Variants in ANKRD52 observed in about 807,000 individuals in gnomAD.
ANKRD52 encodes the protein serine/threonine-protein phosphatase 6 regulatory ankyrin repeat subunit C.
In ANKRD52, 7 loss-of-function variants were observed where a neutral mutation model predicts 116.0. The observed-to-expected ratio is 0.06, with a 90% CI of 0.03 to 0.11. ANKRD52 has a LOEUF of 0.11. ANKRD52 is among the 10% of genes least tolerant of loss of function. The pLI, the probability that ANKRD52 is intolerant of heterozygous loss-of-function variation, is 1.00. For missense variants in ANKRD52, 839 were observed against 1,408.6 expected (o/e 0.60, Z 6.47); for synonymous variants, 528 against 578.1 (o/e 0.91, Z 1.24).
In ANKRD52 at chr12:56,243,218, A is replaced by G. The variant is rs756847654; in HGVS notation, c.3155T>C (p.Leu1052Pro). The change falls in exon 28 of 28, where the codon CTG becomes CCG. Residue 1052 changes from leucine (L) to proline (P), a missense_variant. Physicochemically the swap from Leu to Pro is moderately conservative, Grantham distance 98. This residue lies in a region of ANKRD52 where 552 missense variants were observed against 810.6 expected (regional missense o/e 0.68). Coordinates refer to ENST00000267116, the MANE Select transcript of ANKRD52 (RefSeq NM_173595.4). This position sits in a 1 kb window ranked among gnomAD's most constrained non-coding sequence, Gnocchi z 4.6. ...GTAGGGGCAGGAGGCCCCATGGGGC[A>G]GGGCGCCGCAGCCACCCACCGTCTT... is the stretch of plus-strand genomic sequence containing the variant. ...AAKTVGGCGA[L>P]PHGASCPYSQ... The G allele has an allele frequency of 8.7e-6, 14 of 1,613,350 alleles. No homozygotes were observed. Among genetic ancestry groups the G allele is most frequent in the Non-Finnish European group, 1.2e-5 (14 of 1,179,730 alleles).
chr12:56,252,511 T>C lies in ANKRD52; in HGVS notation c.1361A>G (p.Lys454Arg), dbSNP rs1303250175. 8.1e-6 allele frequency: 13 copies of C among 1,613,834 alleles called. No individual in the cohort carries two copies. The highest frequency in any genetic ancestry group is 3.3e-5 in the Admixed American group (2 of 60,018). Residue 454 changes from lysine (K) to arginine (R), a missense_variant, in exon 13 of 28, where the codon AAA becomes AGA. Transcript: ENST00000267116. This position sits in a 1 kb window ranked among gnomAD's most constrained non-coding sequence, Gnocchi z 4.7. ...SSGADLRRRD[K>R]FGRTPLHYAA... Reference sequence around the variant, plus strand: ...CTGCATATTAGCATACCTGCCAAATTTGTCCCTCCTCCTCAAGTCAGCTCC... The same window carrying C: ...CTGCATATTAGCATACCTGCCAAATCTGTCCCTCCTCCTCAAGTCAGCTCC...
chr12:56,245,447 A>G lies in ANKRD52; in HGVS notation c.2334T>C (p.Leu778=). 6.2e-7 allele frequency: 1 copy of G among 1,612,918 alleles called. No homozygotes were observed. The highest frequency in any genetic ancestry group is 8.5e-7 in the Non-Finnish European group (1 of 1,179,526). Residue 778 remains leucine, a synonymous_variant, in exon 21 of 28, where the codon CTT becomes CTC. Transcript: ENST00000267116. ...AVLRTLLQAA[L]STDPLDAGVD... is the part of the protein sequence containing the mutation. ...CCCCGGCATCCAGGGGATCTGTGGA[A>G]AGGGCAGCCTGCAGCAGGGTCCGCA...
At chr12:56,245,329 C>T in intron 21 of ANKRD52, 48 bp downstream of exon 21, 1 of 1,602,280 alleles carries the variant, frequency 6.2e-7, no homozygotes, top group South Asian at 1.1e-5. Context: ...CCCCTCTACA[C>T]ACACTCCAAC....
rs965801543 is a variant in ANKRD52 at position 56,243,938 on chromosome 12, T to C, written c.2889-62A>G. On this transcript the variant is annotated intron_variant, in intron 26 of 27. Coordinates refer to ENST00000267116, the MANE Select transcript of ANKRD52 (RefSeq NM_173595.4). The surrounding 1 kb of genome is among the most constrained non-coding windows in gnomAD (Gnocchi z 4.6). The stretch of plus-strand genomic sequence containing the variant: ...GCTGCCCTTCCACCTCCAGACAGGG[T>C]GGCAAGGGTGCTGAACAAATACAAT... The C allele has an allele frequency of 3.1e-6, 5 of 1,597,848 alleles. No homozygotes were observed. The highest frequency in any genetic ancestry group is 2.6e-6 in the Non-Finnish European group (3 of 1,170,656).
In ANKRD52 at chr12:56,243,974, G is replaced by A; in HGVS notation, c.2888+77C>T. 2 of 1,604,174 alleles carry A rather than the reference G, an allele frequency of 1.2e-6. No individual in the cohort carries two copies. The highest frequency in any genetic ancestry group is 1.7e-6 in the Non-Finnish European group (2 of 1,173,202). On this transcript the variant is annotated intron_variant, in intron 26 of 27. Coordinates refer to ENST00000267116, the MANE Select transcript of ANKRD52 (RefSeq NM_173595.4). The surrounding 1 kb of genome is among the most constrained non-coding windows in gnomAD (Gnocchi z 4.6). ...CTGAACAAATACAATGGGCTCCAGAGAGCCTCTGAACAGCGGCCACTCTTT... is the reference window on the plus strand; with the variant it reads ...CTGAACAAATACAATGGGCTCCAGAAAGCCTCTGAACAGCGGCCACTCTTT...
chr12:56,239,076 C>A lies in ANKRD52; in HGVS notation c.*4066G>T. ...CCCTCTGCCCTCCCAAATGCAGTGA[C>A]AGTGTCCCCCTCACACCTAAGTGGG... On this transcript the variant is annotated 3_prime_UTR_variant, in exon 28 of 28. Transcript: ENST00000267116. The A allele has an allele frequency of 6.6e-6, 1 of 152,540 alleles. No homozygotes were observed. The allele number at this position is 152,540 out of a possible 1,614,324, so 9.4% of individuals were successfully genotyped here.
At chr12:56,250,359 T>A (rs1044352512) in intron 15 of ANKRD52, among the ~76,000 whole-genome samples, 1 of 150,364 alleles carries the variant, frequency 6.7e-6, no homozygotes, top group Admixed American at 6.6e-5. Flanking sequence ...GCCTACCTGA[T>A]TTTTGTGGGT....
At chr12:56,245,706 GTC>G in intron 20 of ANKRD52, 110 bp from the exon 21 acceptor site, 48 of 532,364 alleles carry the variant, frequency 9.0e-5, no homozygotes, top group South Asian at 2.7e-4. Flanking sequence ...TCCAATCCTT[GTC>G]TTTTTTTTTT....
At position 56,248,553 on chromosome 12, in the gene ANKRD52, G is replaced by T; in HGVS notation, c.1718C>A (p.Ser573Tyr). 1 of 1,593,210 alleles carries T rather than the reference G, an allele frequency of 6.3e-7. No individual in the cohort carries two copies. Among genetic ancestry groups the T allele is most frequent in the Non-Finnish European group, 8.5e-7 (1 of 1,169,940 alleles). ...CTCCACATCCTCCAGGCAGTTAAAG[G>T]ACATTTCTAAGAGCTGCAAAGGACA... is the stretch of plus-strand genomic sequence containing the variant. ...RQNLELLLEMSFNCLEDVEST... is the reference protein window; with the variant it reads ...RQNLELLLEMYFNCLEDVEST... Residue 573 changes from serine (S) to tyrosine (Y), a missense_variant, in exon 17 of 28, where the codon TCC becomes TAC. Ser to Tyr is a moderately radical substitution (Grantham distance 144, BLOSUM62 -2). This residue lies in a region of ANKRD52 where 552 missense variants were observed against 810.6 expected (regional missense o/e 0.68). Transcript: ENST00000267116. The surrounding 1 kb of genome is among the most constrained non-coding windows in gnomAD (Gnocchi z 5.1).
chr12:56,245,918 C>T (rs1360816216), intron 20 of ANKRD52, among the ~76,000 whole-genome samples: 3 of 150,440 alleles, frequency 2.0e-5, no homozygotes, highest in East Asian at 2.0e-4. Context: ...GGTTTCACCA[C>T]GTTAGCCAGG....
In ANKRD52 at chr12:56,243,161, T is replaced by C; in HGVS notation, c.3212A>G (p.Asp1071Gly). ...AGGGGGCTACTCAGAGTAGCAGCCA[T>C]CTAACCCAATGGCGCCGGGCCGCTC... is the stretch of plus-strand genomic sequence containing the variant. Reference protein sequence around the residue: ...SQERPGAIGLDGCYSE With the variant: ...SQERPGAIGLGGCYSE The change falls in exon 28 of 28, where the codon GAT (aspartate) becomes GGT (glycine). Residue 1071 changes from aspartate to glycine, a missense_variant. Coordinates refer to ENST00000267116, the MANE Select transcript of ANKRD52 (RefSeq NM_173595.4). This position sits in a 1 kb window ranked among gnomAD's most constrained non-coding sequence, Gnocchi z 4.6. 2.5e-6 allele frequency: 4 copies of C among 1,603,772 alleles called. No homozygotes were observed. Among genetic ancestry groups the C allele is most frequent in the Non-Finnish European group, 3.4e-6 (4 of 1,174,992 alleles).
At chr12:56,256,541 TGAG>T (rs1871963008) in intron 4 of ANKRD52, among the ~76,000 whole-genome samples, 1 of 152,202 alleles carries the variant, frequency 6.6e-6, no homozygotes, top group Non-Finnish European at 1.5e-5. Context: ...AGTGATGAAC[TGAG>T]GAGGAGGTCC....
At position 56,248,228 on chromosome 12, in the gene ANKRD52, G is replaced by A; in HGVS notation, c.1777-4C>T. The A allele has an allele frequency of 6.2e-7, 1 of 1,613,442 alleles. No homozygotes were observed. Among genetic ancestry groups the A allele is most frequent in the Non-Finnish European group, 8.5e-7 (1 of 1,179,886 alleles). On this transcript the variant is annotated splice_region_variant and splice_polypyrimidine_tract_variant and intron_variant, in intron 17 of 27. Coordinates refer to ENST00000267116, the MANE Select transcript of ANKRD52 (RefSeq NM_173595.4). This position sits in a 1 kb window ranked among gnomAD's most constrained non-coding sequence, Gnocchi z 5.1. The stretch of plus-strand genomic sequence containing the variant: ...CTTCACAGTGACCGTTGTAGGCCTG[G>A]CAAGGTGCAGGCAACCAGTGCACAC...
rs768397824 is a variant in ANKRD52 at position 56,245,548 on chromosome 12, C to G, written c.2233G>C (p.Ala745Pro). ...DCLAALLDHD[A>P]FVLCRDFKGR... ...TTAAAGTCTCGGCACAGCACAAATGCGTCGTGGTCCAGCAGGGCAGCCAGG... is the reference window on the plus strand; with the variant it reads ...TTAAAGTCTCGGCACAGCACAAATGGGTCGTGGTCCAGCAGGGCAGCCAGG... Residue 745 changes from alanine (A) to proline (P), a missense_variant, in exon 21 of 28, where the codon GCA becomes CCA. Physicochemically the swap from Ala to Pro is conservative, Grantham distance 27 (BLOSUM62 -1). Coordinates refer to ENST00000267116, the MANE Select transcript of ANKRD52 (RefSeq NM_173595.4). 6.2e-7 allele frequency: 1 copy of G among 1,609,678 alleles called. No individual in the cohort carries two copies.
At chr12:56,257,114 G>A in intron 3 of ANKRD52, 29 bp from the exon 4 acceptor site, 1 of 1,604,750 alleles carries the variant, frequency 6.2e-7, no homozygotes, top group Non-Finnish European at 8.5e-7. Flanking sequence ...CTATTTTGAT[G>A]GAAGGTGGGG....
At chr12:56,246,507 C>G (rs1871405691) in intron 20 of ANKRD52, among the ~76,000 whole-genome samples, 1 of 152,022 alleles carries the variant, frequency 6.6e-6, no homozygotes. Flanking sequence ...GAGGAGGCAG[C>G]TTAGGACAGG....
In ANKRD52 at chr12:56,256,748, G is replaced by A. The variant is rs1477886052; in HGVS notation, c.261+267C>T. The stretch of plus-strand genomic sequence containing the variant: ...GATCAGACTCAAGGTGGCCCCCCAG[G>A]GAGGGATGAGTCACTCAGGCCTGGC... On this transcript the variant is annotated intron_variant, in intron 4 of 27. Coordinates refer to ENST00000267116, the MANE Select transcript of ANKRD52 (RefSeq NM_173595.4). Among the ~76,000 whole-genome samples, 5 of 152,216 alleles carry A rather than the reference G, an allele frequency of 3.3e-5. No individual in the cohort carries two copies. In the East Asian group the frequency reaches 9.6e-4, roughly 29 times the overall value.
intron 15 of ANKRD52, among the ~76,000 whole-genome samples, chr12:56,249,830 G>C (rs551012733): frequency 6.6e-6 from 1 of 152,132 alleles, no homozygotes; most frequent in Non-Finnish European, 1.5e-5. Flanking sequence ...GCCTGAGCTC[G>C]GGAGTTCAAG....
At chr12:56,250,467 C>T (rs79718165) in intron 15 of ANKRD52, among the ~76,000 whole-genome samples, 6,833 of 150,990 alleles carry the variant, frequency 0.045, 217 homozygotes, top group Non-Finnish European at 0.068. Context: ...GCCTCAAACT[C>T]CTGGGTTTGC....
Sources: gnomAD v4.1 joint callset for allele counts (sites outside exome capture counted in the v4.1 genomes callset) on GRCh38, gnomAD v4.1.1 for gene constraint, gnomAD v4.1.1 regional missense constraint, Gnocchi (gnomAD v3.1) non-coding constraint, MANE v1.5 for transcripts, NCBI Gene and HGNC (gene_info 2026-07-23, HGNC 2026-07-21) for gene names.